Variants in TTLL8 observed in about 807,000 individuals in gnomAD.
The protein encoded by TTLL8 is protein monoglycylase TTLL8.
Under a neutral mutation model 77.8 loss-of-function variants are expected in TTLL8, and 65 were observed. The observed-to-expected ratio is 0.84, with a 90% CI of 0.68 to 1.03. TTLL8 has a LOEUF of 1.03. Among genes scored for constraint, TTLL8 ranks in the 50% least tolerant of loss-of-function variants. The probability of loss-of-function intolerance (pLI) is 0.00; values close to 1 mark genes in which losing one functional copy is unlikely to be tolerated. For synonymous variants in TTLL8, 402 were observed against 422.8 expected (o/e 0.95, Z 0.60); for missense variants, 910 against 1,004.5 (o/e 0.91, Z 1.27).
intron 12 of TTLL8, among the ~76,000 whole-genome samples, chr22:50,029,286 CCCTCGT>C (rs1210759343): frequency 3.8e-5 from 3 of 78,734 alleles, no homozygotes; most frequent in African/African-American, 1.6e-4. Context: ...ACCCCACACA[CCCTCGT>C]AAAGACCCCA....
chr22:50,054,832 C>T (rs1423496336), upstream of TTLL8, among the ~76,000 whole-genome samples: 1 of 152,154 alleles, frequency 6.6e-6, no homozygotes, highest in Admixed American at 6.5e-5. Flanking sequence ...CCAAGGCGGG[C>T]AGATCACCTG....
At chr22:50,057,390 G>GA (rs1235292670), upstream of TTLL8, among the ~76,000 whole-genome samples, 6 of 96,814 alleles carry the variant, frequency 6.2e-5, no homozygotes, top group African/African-American at 2.1e-4. Context: ...GGTCTGGGTT[G>GA]GGGTCAGGTC....
At chr22:50,047,685 C>T (rs1056741324) in intron 3 of TTLL8, among the ~76,000 whole-genome samples, 3 of 152,220 alleles carry the variant, frequency 2.0e-5, no homozygotes, top group African/African-American at 7.2e-5. Flanking sequence ...CTGCACACCC[C>T]TCCCTGAGCC....
At chr22:50,023,629 G>A (rs1020405587) in intron 12 of TTLL8, among the ~76,000 whole-genome samples, 2 of 152,170 alleles carry the variant, frequency 1.3e-5, no homozygotes, top group African/African-American at 4.8e-5. Flanking sequence ...AGGTTGCAGT[G>A]AGCCAAGATC....
At chr22:50,036,962 C>T (rs1392587956) in intron 8 of TTLL8, among the ~76,000 whole-genome samples, 1 of 152,136 alleles carries the variant, frequency 6.6e-6, no homozygotes, top group East Asian at 1.9e-4. Flanking sequence ...TCAGCCCCTC[C>T]TTGGACACAG....
Position 50,034,591 on chromosome 22 carries a change from G to T in TTLL8, c.922-129C>A. On this transcript the variant is annotated intron_variant, in intron 8 of 13. Coordinates refer to ENST00000266182, the Ensembl canonical transcript of TTLL8. This position sits in a 1 kb window ranked among gnomAD's most constrained non-coding sequence, Gnocchi z 4.1. Reference sequence around the variant, plus strand: ...CAAGCAGGCGCTCGGCTCTAGGATGGTCTGGGGCTGGCCTGGCGGGAAAGG... The same window carrying T: ...CAAGCAGGCGCTCGGCTCTAGGATGTTCTGGGGCTGGCCTGGCGGGAAAGG... 2 of 1,007,590 alleles carry T rather than the reference G, an allele frequency of 2.0e-6. No homozygotes were observed. The highest frequency in any genetic ancestry group is 2.6e-6 in the Non-Finnish European group (2 of 756,688). 62.4% of individuals were successfully genotyped at this position (1,007,590 alleles called of 1,614,324 possible).
At position 50,044,074 on chromosome 22, in the gene TTLL8, C is replaced by G. The variant is rs1416041307; in HGVS notation, c.643+1181G>C. Among the ~76,000 whole-genome samples the G allele has an allele frequency of 1.3e-5, 2 of 152,134 alleles. No individual in the cohort carries two copies. The highest frequency in any genetic ancestry group is 2.9e-5 in the Non-Finnish European group (2 of 68,018). On this transcript the variant is annotated intron_variant, in intron 6 of 13. Transcript: ENST00000266182. This position sits in a 1 kb window ranked among gnomAD's most constrained non-coding sequence, Gnocchi z 4.2. ...GTACGGTGGATCAAGCCTGTAATCC[C>G]AGCACTGTGGGAGGCCGAGGTGGGC...
chr22:50,050,281 A>C, intron 1 of TTLL8, 34 bp from the exon 4 acceptor site: 1 of 1,299,054 alleles, frequency 7.7e-7, no homozygotes, highest in Non-Finnish European at 1.0e-6. Context: ...ATTTTATTTC[A>C]ATCATTTTTG....
chr22:50,049,214 G>A, intron 3 of TTLL8, 35 bp downstream of exon 5: 1 of 1,367,224 alleles, frequency 7.3e-7, no homozygotes, highest in Middle Eastern at 2.2e-4. Context: ...CTTTGGAGAG[G>A]CCGCAGCTGA....
Position 50,030,537 on chromosome 22 carries a change from G to C in TTLL8, c.2096C>G (p.Pro699Arg), listed in dbSNP as rs772415245. The change falls in exon 12 of 14, where the codon CCC (proline) becomes CGC (arginine). Residue 699 changes from proline (P) to arginine (R), a missense_variant. Pro to Arg is a moderately radical substitution (Grantham distance 103). This residue lies in a region of TTLL8 where 134 missense variants were observed against 78.3 expected (regional missense o/e 1.71). Coordinates refer to ENST00000266182, the Ensembl canonical transcript of TTLL8. ...CTGGTTTGGATCCCAGCTTTTGGCG[G>C]GCTGGGCTACGGGGACACCGGTGTT... 4.5e-6 allele frequency: 6 copies of C among 1,326,028 alleles called. No homozygotes were observed. The African/African-American group carries it at 9.1e-5, about 20-fold the overall frequency. 82.1% of individuals were successfully genotyped at this position (1,326,028 alleles called of 1,614,324 possible).
chr22:50,049,992 C>T, intron 2 of TTLL8, 117 bp downstream of exon 4: 2 of 1,197,356 alleles, frequency 1.7e-6, no homozygotes, highest in Non-Finnish European at 2.1e-6. Context: ...GTCGGAGATA[C>T]CCCATCACGC....
At chr22:50,036,845 G>A (rs2061340301) in intron 8 of TTLL8, among the ~76,000 whole-genome samples, 1 of 152,020 alleles carries the variant, frequency 6.6e-6, no homozygotes, top group African/African-American at 2.4e-5. Flanking sequence ...TGATCCCCCC[G>A]CCTCGGCCTC....
rs2061370818 is a variant in TTLL8, at chr22:50,041,530, G to T, written c.830+91C>A. ...CAGGTAGCCTAATGCCCAGACAGGT[G>T]ACCCAGTTCCCAGAGGCTGCACTGC... On this transcript the variant is annotated intron_variant, in intron 7 of 13. Coordinates refer to ENST00000266182, the Ensembl canonical transcript of TTLL8. This position sits in a 1 kb window ranked among gnomAD's most constrained non-coding sequence, Gnocchi z 4.3. 4.1e-6 allele frequency: 5 copies of T among 1,230,004 alleles called. No homozygotes were observed. In the South Asian group the frequency reaches 7.4e-5, roughly 18 times the overall value. The allele number at this position is 1,230,004 out of a possible 1,614,324, so 76.2% of individuals were successfully genotyped here. A position where few individuals can be genotyped will look rare whatever the true frequency, so the allele number is the denominator to read the frequency against.
chr22:50,020,921 A>ACG (rs200344193), intron 12 of TTLL8, among the ~76,000 whole-genome samples: 4 of 127,084 alleles, frequency 3.1e-5, no homozygotes, highest in South Asian at 2.7e-4. Flanking sequence ...CCTCCATCTG[A>ACG]ATGTGTACTC....
chr22:50,032,621 G>A (rs996627367), intron 10 of TTLL8, among the ~76,000 whole-genome samples: 26 of 152,202 alleles, frequency 1.7e-4, no homozygotes, highest in Admixed American at 3.3e-4. Context: ...ATTCTCACTC[G>A]TAAAAAGCAG....
At chr22:50,030,276 C>T (rs1450546315) in intron 12 of TTLL8, 154 bp downstream of exon 13, 4 of 985,292 alleles carry the variant, frequency 4.1e-6, no homozygotes, top group Non-Finnish European at 4.8e-6. Context: ...CGCTCCCCGG[C>T]TCCCGCCGGC....
In TTLL8 at chr22:50,030,413, C is replaced by CCGG; in HGVS notation, c.2203+14_2203+16dup. 1.5e-6 allele frequency: 2 copies of CCGG among 1,304,870 alleles called. No homozygotes were observed. Among genetic ancestry groups the CCGG allele is most frequent in the Non-Finnish European group, 2.0e-6 (2 of 1,001,666 alleles). 80.8% of individuals were successfully genotyped at this position (1,304,870 alleles called of 1,614,324 possible). Reference sequence around the variant, plus strand: ...CGGCCCCCAAGCCCACAGCGCACCGCCGGCGGCGCAGGTTACCTTTTCCTC... The same window carrying CCGG: ...CGGCCCCCAAGCCCACAGCGCACCGCCGGCGGCGGCGCAGGTTACCTTTTCCTC... On this transcript the variant is annotated intron_variant, in intron 12 of 13. Coordinates refer to ENST00000266182, the Ensembl canonical transcript of TTLL8.
In TTLL8 at chr22:50,033,256, T is replaced by C. The variant is rs61999353; in HGVS notation, c.1229A>G (p.Lys410Arg). 7.6e-4 allele frequency: 1,038 copies of C among 1,359,936 alleles called. 9 individuals carry two copies. In the African/African-American group the frequency reaches 0.014, roughly 19 times the overall value. 84.2% of individuals were successfully genotyped at this position (1,359,936 alleles called of 1,614,324 possible). A position where few individuals can be genotyped will look rare whatever the true frequency, so the allele number is the denominator to read the frequency against. The stretch of plus-strand genomic sequence containing the variant: ...AGTTGAGAACCGCAAGTAACTCTCC[T>C]TGTAGAACCAGATGGTCAGGGGGTT... Residue 410 changes from lysine to arginine, a missense_variant, in exon 10 of 14, where the codon AAG becomes AGG. By Grantham distance (26) the Lys-to-Arg change is conservative. This residue lies in a region of TTLL8 where 776 missense variants were observed against 926.1 expected (regional missense o/e 0.84). Transcript: ENST00000266182.
Position 50,041,413 on chromosome 22 carries a change from T to C in TTLL8, c.831-136A>G. 2 of 1,007,078 alleles carry C rather than the reference T, an allele frequency of 2.0e-6. No homozygotes were observed. The highest frequency in any genetic ancestry group is 2.7e-6 in the Non-Finnish European group (2 of 747,264). 62.4% of individuals were successfully genotyped at this position (1,007,078 alleles called of 1,614,324 possible). ...CAATACCCAACAAGTATCCCAGACATCCAGACAGACACCACAATACTCAAC... is the reference window on the plus strand; with the variant it reads ...CAATACCCAACAAGTATCCCAGACACCCAGACAGACACCACAATACTCAAC... On this transcript the variant is annotated intron_variant, in intron 7 of 13. Coordinates refer to ENST00000266182, the Ensembl canonical transcript of TTLL8. This position sits in a 1 kb window ranked among gnomAD's most constrained non-coding sequence, Gnocchi z 4.3.
Sources: allele counts gnomAD v4.1 joint callset (sites outside exome capture counted in the v4.1 genomes callset), GRCh38; gene constraint gnomAD v4.1.1; regional missense constraint gnomAD v4.1.1; non-coding constraint Gnocchi (gnomAD v3.1); transcripts MANE v1.5; gene names NCBI Gene and HGNC (gene_info 2026-07-23, HGNC 2026-07-21).